ZNF81: variants seen among roughly 807,000 people sequenced by gnomAD.
ZNF81 encodes zinc finger protein 81, also known as zinc finger protein 81 (HFZ20).
A neutral mutation model predicts 32.3 loss-of-function variants in ZNF81; 5 were observed. The ratio of observed to expected loss-of-function variants is 0.15; its 90% CI spans 0.08 to 0.33. The LOEUF is 0.33. Ranked by LOEUF, ZNF81 falls within the 10% of genes least tolerant of loss-of-function variation. The pLI is 1.00. For synonymous variants in ZNF81, 163 were observed against 166.8 expected (o/e 0.98, Z 0.17); for missense variants, 379 against 479.8 (o/e 0.79, Z 1.96).
chrX:47,901,066 A>ACT (rs1204011232), intron 4 of ZNF81, among the ~76,000 whole-genome samples: 1 of 110,092 alleles, frequency 9.1e-6, no homozygotes. Context: ...ACTTCCTCTA[A>ACT]CTTTTGACCC....
chrX:47,925,111 A>C lies in ZNF81; in HGVS notation c.*8479A>C, dbSNP rs782004383. ...CTATGATATATCCAGTCCATTTCCA[A>C]ATTTCTCCCATTGTCCCCAAAACAT... On this transcript the variant is annotated 3_prime_UTR_variant, in exon 5 of 5. Coordinates refer to ENST00000338637, the MANE Select transcript of ZNF81 (RefSeq NM_007137.5). Among the ~76,000 whole-genome samples the C allele has an allele frequency of 1.0e-3, 113 of 111,631 alleles. No individual in the cohort carries two copies. Among genetic ancestry groups the C allele is most frequent in the African/African-American group, 3.5e-3 (108 of 30,771 alleles).
intron 3 of ZNF81, among the ~76,000 whole-genome samples, chrX:47,892,034 C>T (rs1556886530): frequency 9.0e-6 from 1 of 111,032 alleles, no homozygotes; most frequent in African/African-American, 3.3e-5. Flanking sequence ...TTTTATGATT[C>T]GAGTTAGAGT....
intron 3 of ZNF81, among the ~76,000 whole-genome samples, chrX:47,888,914 G>A (rs782766331): frequency 6.3e-5 from 7 of 111,736 alleles, no homozygotes; most frequent in South Asian, 3.7e-4. Context: ...ATAAAGTACC[G>A]GAGAACATGG....
chrX:47,879,831 G>C (rs2058613641), intron 2 of ZNF81, among the ~76,000 whole-genome samples: 1 of 111,827 alleles, frequency 8.9e-6, no homozygotes, highest in Admixed American at 9.5e-5. Flanking sequence ...AGCCTCTCAA[G>C]TCCCTTTTAA....
At chrX:47,841,857 C>G (rs978691973) in intron 1 of ZNF81, among the ~76,000 whole-genome samples, 2 of 111,337 alleles carry the variant, frequency 1.8e-5, no homozygotes, top group Non-Finnish European at 3.8e-5. Flanking sequence ...TTTATTACTT[C>G]CTTCCGCTTA....
chrX:47,873,503 A>T (rs1472739677), intron 2 of ZNF81, among the ~76,000 whole-genome samples: 4 of 111,524 alleles, frequency 3.6e-5, no homozygotes, highest in African/African-American at 1.3e-4. Flanking sequence ...CAATTTCTGC[A>T]TCCTCTGGGG....
At chrX:47,905,242 C>CAA (rs74773735) in intron 4 of ZNF81, among the ~76,000 whole-genome samples, 69 of 95,761 alleles carry the variant, frequency 7.2e-4, no homozygotes, top group East Asian at 1.3e-3. Context: ...AAATCAACTC[C>CAA]AAAAAAAAAA....
In ZNF81 at chrX:47,924,815, T is replaced by C. The variant is rs2058786354; in HGVS notation, c.*8183T>C. Among the ~76,000 whole-genome samples, 1 of 111,515 alleles carries C rather than the reference T, an allele frequency of 9.0e-6. No homozygotes were observed. On this transcript the variant is annotated 3_prime_UTR_variant, in exon 5 of 5. Coordinates refer to ENST00000338637, the MANE Select transcript of ZNF81 (RefSeq NM_007137.5). ...TCCAGGTTAATAAAGATTATATATA[T>C]ATATACCCAAAGAAGAGGATGGACA...
chrX:47,895,368 GAAGACAAT>G (rs2058676151), intron 3 of ZNF81, among the ~76,000 whole-genome samples: 1 of 111,260 alleles, frequency 9.0e-6, no homozygotes, highest in African/African-American at 3.3e-5. Context: ...TGCGTAGAGG[GAAGACAAT>G]AAGAAGATAC....
intron 2 of ZNF81, among the ~76,000 whole-genome samples, chrX:47,879,728 T>C (rs973931004): frequency 8.9e-6 from 1 of 112,165 alleles, no homozygotes; most frequent in Non-Finnish European, 1.9e-5. Context: ...CTGCTTGCTG[T>C]ATTAACAGGC....
intron 3 of ZNF81, among the ~76,000 whole-genome samples, chrX:47,895,502 T>C (rs2058676547): frequency 8.9e-6 from 1 of 111,900 alleles, no homozygotes; most frequent in Non-Finnish European, 1.9e-5. Flanking sequence ...CCTAGATCCA[T>C]CAGAGAGAGC....
intron 2 of ZNF81, among the ~76,000 whole-genome samples, chrX:47,862,222 C>T (rs1556882639): frequency 9.0e-6 from 1 of 111,161 alleles, no homozygotes; most frequent in African/African-American, 3.3e-5. Flanking sequence ...TAATGTCTGA[C>T]TTACACACAA....
chrX:47,854,349 A>G (rs2058507417), intron 2 of ZNF81, among the ~76,000 whole-genome samples: 1 of 112,568 alleles, frequency 8.9e-6, no homozygotes, highest in Admixed American at 9.4e-5. Context: ...CATATCAGCA[A>G]TAAACCTGTT....
rs2058787731 is a variant in ZNF81, at chrX:47,925,433, C to T, written c.*8801C>T. 8.9e-6 allele frequency among the ~76,000 whole-genome samples: 1 copy of T among 111,877 alleles called. No individual in the cohort carries two copies. The highest frequency in any genetic ancestry group is 2.8e-4 in the East Asian group (1 of 3,590). On this transcript the variant is annotated 3_prime_UTR_variant, in exon 5 of 5. Transcript: ENST00000338637. ...ATACTATAGGTACTCTTGTTTGGCT[C>T]CTTCCATCCAGCATAATAAGTTTGA...
chrX:47,843,695 T>C (rs1264001429), intron 1 of ZNF81, among the ~76,000 whole-genome samples: 1 of 111,520 alleles, frequency 9.0e-6, no homozygotes. Flanking sequence ...GGCTAATTTT[T>C]CTATTTTTTT....
chrX:47,881,453 G>A (rs781912179), intron 2 of ZNF81, among the ~76,000 whole-genome samples: 2 of 111,966 alleles, frequency 1.8e-5, no homozygotes, highest in Admixed American at 9.4e-5. Context: ...CTGTGCCACC[G>A]GCCCCAGATA....
rs1357949832 is a variant in ZNF81, at chrX:47,919,127, G to A, written c.*2495G>A. 9.2e-6 allele frequency: 3 copies of A among 324,972 alleles called. No homozygotes were observed. The highest frequency in any genetic ancestry group is 8.0e-5 in the African/African-American group (3 of 37,428). 26.8% of individuals were successfully genotyped at this position (324,972 alleles called of 1,213,427 possible). A position where few individuals can be genotyped will look rare whatever the true frequency, so the allele number is the denominator to read the frequency against. On this transcript the variant is annotated 3_prime_UTR_variant, in exon 5 of 5. Transcript: ENST00000338637. ...TTTGGATGAGAAATTTGGAGGTCCTGGAATAGGGGTGAACACATTTTGCAT... is the reference window on the plus strand; with the variant it reads ...TTTGGATGAGAAATTTGGAGGTCCTAGAATAGGGGTGAACACATTTTGCAT...
chrX:47,893,623 C>T (rs932181408), intron 3 of ZNF81, among the ~76,000 whole-genome samples: 1 of 109,570 alleles, frequency 9.1e-6, no homozygotes, highest in Non-Finnish European at 1.9e-5. Context: ...GAGACTAACC[C>T]AGCCTTTCCT....
In ZNF81 at chrX:47,846,326, G is replaced by C; in HGVS notation, c.54+5G>C. Reference sequence around the variant, plus strand: ...GAACATGGCAGTGCCTGTGAGGTGAGGAGGAGGAAGAGGTGCCCAGGGATT... The same window carrying C: ...GAACATGGCAGTGCCTGTGAGGTGACGAGGAGGAAGAGGTGCCCAGGGATT... On this transcript the variant is annotated splice_donor_5th_base_variant and intron_variant, in intron 2 of 4. Transcript: ENST00000338637. 1 of 1,207,056 alleles carries C rather than the reference G, an allele frequency of 8.3e-7. No homozygotes were observed. The highest frequency in any genetic ancestry group is 1.1e-6 in the Non-Finnish European group (1 of 893,387).
Sources: gnomAD v4.1 joint callset for allele counts (sites outside exome capture counted in the v4.1 genomes callset) on GRCh38, gnomAD v4.1.1 for gene constraint, MANE v1.5 for transcripts, NCBI Gene and HGNC (gene_info 2026-07-23, HGNC 2026-07-21) for gene names.